The following PDE1C variants were observed in gnomAD, a reference collection of about 807,000 sequenced individuals.
PDE1C encodes the protein dual specificity calcium/calmodulin-dependent 3',5'-cyclic nucleotide phosphodiesterase 1C.
PDE1C carries 62 observed loss-of-function variants against 93.1 expected under a neutral mutation model. The observed-to-expected ratio is 0.67, with a 90% CI of 0.54 to 0.82. The LOEUF is 0.82. PDE1C is among the 40% of genes least tolerant of loss of function. The pLI, the probability that PDE1C is intolerant of heterozygous loss-of-function variation, is 0.00. For missense variants in PDE1C, 742 were observed against 884.6 expected (o/e 0.84, Z 2.04); for synonymous variants, 325 against 310.1 (o/e 1.05, Z -0.50).
chr7:32,113,236 A>AATATATATATATAT (rs35138046), intron 3 of PDE1C, among the ~76,000 whole-genome samples: 1,106 of 93,832 alleles, frequency 0.012, 21 homozygotes, highest in African/African-American at 0.015. Context: ...ATTGTCCTTA[A>AATATATATATATAT]ATATATATAT....
chr7:31,923,321 G>A (rs796628687), intron 2 of PDE1C, among the ~76,000 whole-genome samples: 18 of 152,246 alleles, frequency 1.2e-4, no homozygotes, highest in African/African-American at 4.3e-4. Context: ...TAAAGACTGT[G>A]GGTGCCCAGG....
At chr7:31,637,913 A>G in the PDE1C span, among the ~76,000 whole-genome samples, 23,857 of 152,154 alleles carry the variant, frequency 0.16, 2,353 homozygotes, top group Non-Finnish European at 0.2. Flanking sequence ...TAATTTTTGT[A>G]TAAGGTGTAA....
chr7:32,179,265 CTT>C (rs3079597), intron 2 of PDE1C, among the ~76,000 whole-genome samples: 11,313 of 131,262 alleles, frequency 0.086, 630 homozygotes, highest in East Asian at 0.32. Context: ...CTGACTTAGT[CTT>C]TTTTTTTTTT....
chr7:31,643,093 G>C, the PDE1C span: 9 of 1,613,996 alleles, frequency 5.6e-6, no homozygotes, highest in Non-Finnish European at 5.9e-6. Context: ...CCACGTCACA[G>C]AAATGCAGGA....
chr7:31,849,158 T>C (rs1354571970), intron 8 of PDE1C, among the ~76,000 whole-genome samples: 2 of 152,194 alleles, frequency 1.3e-5, no homozygotes, highest in East Asian at 3.8e-4. Flanking sequence ...TTGAGTAAGT[T>C]AGATACCAAC....
intron 2 of PDE1C, among the ~76,000 whole-genome samples, chr7:31,986,411 A>G (rs1484043905): frequency 3.9e-5 from 6 of 152,188 alleles, no homozygotes; most frequent in Non-Finnish European, 7.3e-5. Context: ...CAAAGACTGT[A>G]TTCCCAAATA....
At chr7:32,224,165 G>T (rs534316941) in intron 1 of PDE1C, among the ~76,000 whole-genome samples, 15 of 152,304 alleles carry the variant, frequency 9.8e-5, no homozygotes, top group Non-Finnish European at 1.5e-4. Flanking sequence ...CTGAGGTCAG[G>T]AGTTCGAGAC....
At chr7:31,661,835 G>A in the PDE1C span, among the ~76,000 whole-genome samples, 9 of 151,934 alleles carry the variant, frequency 5.9e-5, no homozygotes, top group Non-Finnish European at 1.2e-4. Flanking sequence ...ATTTCCCTCT[G>A]CCTACTCCCT....
At chr7:32,165,995 A>G (rs559847190) in intron 3 of PDE1C, among the ~76,000 whole-genome samples, 6 of 151,974 alleles carry the variant, frequency 3.9e-5, no homozygotes, top group African/African-American at 1.2e-4. Flanking sequence ...GAATCATCAG[A>G]CCACTCTTCA....
chr7:32,316,876 T>TA lies in PDE1C; in HGVS notation c.311-107338dup, dbSNP rs371613191. Among the ~76,000 whole-genome samples, 437 of 152,366 alleles carry TA rather than the reference T, an allele frequency of 2.9e-3. 3 individuals carry two copies. Among genetic ancestry groups the TA allele is most frequent in the African/African-American group, 9.5e-3 (394 of 41,586 alleles). ...CACATGCATTTGGAAACCACATTTT[T>TA]AACACACTGCCTCTCAAGCCAACAA... On this transcript the variant is annotated intron_variant, in intron 1 of 1. Coordinates refer to the PDE1C transcript ENST00000672256.
chr7:32,273,695 G>A lies in PDE1C; in HGVS notation c.85+24956C>T, dbSNP rs187260701. 4.7e-4 allele frequency among the ~76,000 whole-genome samples: 71 copies of A among 152,304 alleles called. 1 individual carries two copies. Among genetic ancestry groups the A allele is most frequent in the African/African-American group, 1.6e-3 (65 of 41,572 alleles). ...TTTTGCCTTCAAAGACTTGTACACC[G>A]ATTTGTGGGGGTACCGCAGCTATAG... On this transcript the variant is annotated intron_variant, in intron 1 of 18. Transcript: ENST00000396193.
chr7:32,180,787 C>A (rs1392808386), intron 2 of PDE1C, among the ~76,000 whole-genome samples: 1 of 152,280 alleles, frequency 6.6e-6, no homozygotes, highest in Non-Finnish European at 1.5e-5. Flanking sequence ...AAGTTAAATG[C>A]TATGTGGAAT....
intron 2 of PDE1C, among the ~76,000 whole-genome samples, chr7:31,966,784 T>G (rs1043242593): frequency 6.6e-6 from 1 of 152,124 alleles, no homozygotes; most frequent in Admixed American, 6.5e-5. Context: ...GCAATCAAAC[T>G]AGAACTCAGG....
the PDE1C span, among the ~76,000 whole-genome samples, chr7:31,677,575 T>G: frequency 5.3e-5 from 8 of 152,164 alleles, no homozygotes; most frequent in Non-Finnish European, 1.2e-4. Context: ...GGTGCAGAAG[T>G]ATTTGATAAA....
chr7:31,733,798 C>T, the PDE1C span, among the ~76,000 whole-genome samples: 2 of 152,128 alleles, frequency 1.3e-5, no homozygotes, highest in African/African-American at 4.8e-5. Context: ...GAGTTCAACA[C>T]CAGCCTGGCC....
chr7:32,013,354 TA>T (rs1346666102), intron 2 of PDE1C, among the ~76,000 whole-genome samples: 1 of 152,212 alleles, frequency 6.6e-6, no homozygotes, highest in Non-Finnish European at 1.5e-5. Flanking sequence ...TACTTGAACA[TA>T]AATTTTCTCA....
upstream of PDE1C, among the ~76,000 whole-genome samples, chr7:32,075,401 C>T (rs1041193554): frequency 4.9e-4 from 75 of 152,204 alleles, no homozygotes; most frequent in African/African-American, 1.7e-3. Flanking sequence ...CCCTCCTCCC[C>T]GCCCACACCA....
the PDE1C span, among the ~76,000 whole-genome samples, chr7:31,730,737 A>G: frequency 2.0e-5 from 3 of 152,110 alleles, no homozygotes; most frequent in African/African-American, 7.2e-5. Context: ...AAGCCTCTGT[A>G]ATAAATGCAA....
At chr7:32,078,064 AT>A in intron 3 of PDE1C, 1 of 982,492 alleles carries the variant, frequency 1.0e-6, no homozygotes, top group Non-Finnish European at 1.2e-6. Flanking sequence ...TGAAATTGAA[AT>A]TTTTGTTCAC....
Sources: allele counts gnomAD v4.1 joint callset (sites outside exome capture counted in the v4.1 genomes callset), GRCh38; gene constraint gnomAD v4.1.1; transcripts MANE v1.5; gene names NCBI Gene and HGNC (gene_info 2026-07-23, HGNC 2026-07-21).